CCDC88B: variants seen among roughly 807,000 people sequenced by gnomAD.
CCDC88B encodes coiled-coil and HOOK domain protein 88B.
Under a neutral mutation model 183.7 loss-of-function variants are expected in CCDC88B, and 138 were observed. The observed-to-expected ratio is 0.75, with a 90% CI of 0.65 to 0.87. CCDC88B has a LOEUF of 0.87. Among genes scored for constraint, CCDC88B ranks in the 40% least tolerant of loss-of-function variants. The pLI is 0.00. For synonymous variants in CCDC88B, 835 were observed against 867.5 expected, an observed-to-expected ratio of 0.96 and a Z score of 0.66; for missense variants, 1,822 against 1,965.6, an observed-to-expected ratio of 0.93 and a Z score of 1.38.
chr11:64,350,779 AG>A (rs1040090547), intron 16 of CCDC88B: 1 of 162,972 alleles, frequency 6.1e-6, no homozygotes, highest in African/African-American at 2.4e-5. Flanking sequence ...CTAAGGCAGG[AG>A]AATTGCTTGA....
In CCDC88B at chr11:64,342,694, G is replaced by C; in HGVS notation, c.1062+14G>C. 6.8e-7 allele frequency: 1 copy of C among 1,463,666 alleles called. No individual in the cohort carries two copies. The highest frequency in any genetic ancestry group is 9.0e-7 in the Non-Finnish European group (1 of 1,114,714). 90.7% of individuals were successfully genotyped at this position (1,463,666 alleles called of 1,614,324 possible). On this transcript the variant is annotated intron_variant, in intron 10 of 26. Coordinates refer to ENST00000356786, the MANE Select transcript of CCDC88B (RefSeq NM_032251.6). ...AGTCAGCTGGAGGTGAGGCGGAGAC[G>C]GAGCCGCGGGGCGGGGCGTGCGCGA...
In CCDC88B at chr11:64,349,325, C is replaced by G; in HGVS notation, c.2617-6C>G. 6.3e-7 allele frequency: 1 copy of G among 1,599,126 alleles called. No homozygotes were observed. On this transcript the variant is annotated splice_region_variant and splice_polypyrimidine_tract_variant and intron_variant, in intron 14 of 26. Coordinates refer to ENST00000356786, the MANE Select transcript of CCDC88B (RefSeq NM_032251.6). ...CTTGCCCTGAGCCTGCTCTGCTTGC[C>G]CTCAGGAGCTGGAGAAAGCTGTGGT... is the stretch of plus-strand genomic sequence containing the variant.
At position 64,342,274 on chromosome 11, in the gene CCDC88B, T is replaced by C; in HGVS notation, c.822-20T>C. The C allele has an allele frequency of 6.3e-7, 1 of 1,576,206 alleles. No homozygotes were observed. Among genetic ancestry groups the C allele is most frequent in the African/African-American group, 1.3e-5 (1 of 74,454 alleles). ...GGGTTGTGGGCCCCCAGACCCTCCC[T>C]AGACTCCCCTTCCCTCCAGGGAGGA... On this transcript the variant is annotated intron_variant, in intron 8 of 26. Transcript: ENST00000356786.
intron 16 of CCDC88B, chr11:64,350,196 GTCTA>G (rs1241981970): frequency 6.1e-6 from 1 of 163,528 alleles, no homozygotes; most frequent in Non-Finnish European, 1.4e-5. Context: ...GTGCATGCGA[GTCTA>G]TCAGGGAAGG....
chr11:64,355,384 C>A lies in CCDC88B; in HGVS notation c.4290C>A (p.Pro1430=). The stretch of plus-strand genomic sequence containing the variant: ...GCCATCCAGGCCCCCTGGGGGCGCC[C>A]GTCTCCCACAGCAAAGGTGAGGGAC... ...RQRHPGPLGA[P]VSHSKGPGVG... Residue 1430 remains proline (P), a synonymous_variant, in exon 25 of 27, where the codon CCC becomes CCA. Transcript: ENST00000356786. The A allele has an allele frequency of 1.3e-6, 2 of 1,590,096 alleles. No homozygotes were observed. Among genetic ancestry groups the A allele is most frequent in the South Asian group, 1.1e-5 (1 of 87,930 alleles).
At position 64,341,996 on chromosome 11, in the gene CCDC88B, G is replaced by T. The variant is rs2035882702; in HGVS notation, c.678G>T (p.Arg226=). The stretch of plus-strand genomic sequence containing the variant: ...GACCCTTGACCCCTGACCTACAGCG[G>T]CTGGCTGAACTGCTGCTGGAGCGAG... ...LARERDLGAQ[R]LAELLLEREP... The change falls in exon 8 of 27, where the codon CGG becomes CGT. Residue 226 remains arginine (R), a splice_region_variant and synonymous_variant. Transcript: ENST00000356786. 6.2e-7 allele frequency: 1 copy of T among 1,612,822 alleles called. No homozygotes were observed. Among genetic ancestry groups the T allele is most frequent in the Non-Finnish European group, 8.5e-7 (1 of 1,179,728 alleles).
Position 64,344,874 on chromosome 11 carries a change from A to G in CCDC88B, c.2333A>G (p.Glu778Gly), listed in dbSNP as rs1372547753. Reference sequence around the variant, plus strand: ...GCCCAAGCGCGAAGGGCAGAGGCCGAGGCCCACCGGGAGGCAGAGGCCCAG... The same window carrying G: ...GCCCAAGCGCGAAGGGCAGAGGCCGGGGCCCACCGGGAGGCAGAGGCCCAG... Reference protein sequence around the residue: ...ELAQARRAEAEAHREAEAQAW... With the variant: ...ELAQARRAEAGAHREAEAQAW... Residue 778 changes from glutamate to glycine, a missense_variant, in exon 14 of 27, where the codon GAG (glutamate) becomes GGG (glycine). Coordinates refer to ENST00000356786, the MANE Select transcript of CCDC88B (RefSeq NM_032251.6). The surrounding 1 kb of genome is among the most constrained non-coding windows in gnomAD (Gnocchi z 4.5). 4 of 1,603,520 alleles carry G rather than the reference A, an allele frequency of 2.5e-6. No individual in the cohort carries two copies. Among genetic ancestry groups the G allele is most frequent in the Non-Finnish European group, 3.4e-6 (4 of 1,175,250 alleles).
At position 64,354,084 on chromosome 11, in the gene CCDC88B, TG is replaced by T; in HGVS notation, c.4018del (p.Ala1340ProfsTer269). 7.0e-7 allele frequency: 1 copy of T among 1,419,726 alleles called. No individual in the cohort carries two copies. Among genetic ancestry groups the T allele is most frequent in the Non-Finnish European group, 9.3e-7 (1 of 1,081,058 alleles). 87.9% of individuals were successfully genotyped at this position (1,419,726 alleles called of 1,614,324 possible). A position where few individuals can be genotyped will look rare whatever the true frequency, so the allele number is the denominator to read the frequency against. On this transcript the variant is annotated frameshift_variant, in exon 24 of 27. Coordinates refer to ENST00000356786, the MANE Select transcript of CCDC88B (RefSeq NM_032251.6). LOFTEE classifies it high-confidence loss of function. The part of the protein sequence containing the change: ...REGGPPGGLR[L>X]GADGAGSTES... ...GGGGGCCCCCCTGGGGGGCTGCGCC[TG>T]GGGGCCGATGGGGCTGGCAGCACCG...
Position 64,344,817 on chromosome 11 carries a change from A to T in CCDC88B, c.2276A>T (p.Asn759Ile), listed in dbSNP as rs1453048641. 1 of 1,609,546 alleles carries T rather than the reference A, an allele frequency of 6.2e-7. No individual in the cohort carries two copies. Among genetic ancestry groups the T allele is most frequent in the South Asian group, 1.1e-5 (1 of 90,858 alleles). ...CAGGCCCGCAAGCTGGAGGCCCAAA[A>T]CACGGAGGCTGCCCGCCTCTCCAAG... ...EAQARKLEAQNTEAARLSKEL... is the reference protein window; with the variant it reads ...EAQARKLEAQITEAARLSKEL... Residue 759 changes from asparagine to isoleucine, a missense_variant, in exon 14 of 27, where the codon AAC (asparagine) becomes ATC (isoleucine). Asn to Ile is a moderately radical substitution (Grantham distance 149). Coordinates refer to ENST00000356786, the MANE Select transcript of CCDC88B (RefSeq NM_032251.6). The surrounding 1 kb of genome is among the most constrained non-coding windows in gnomAD (Gnocchi z 4.5).
At position 64,352,826 on chromosome 11, in the gene CCDC88B, G is replaced by A. The variant is rs139023113; in HGVS notation, c.3439G>A (p.Asp1147Asn). The change falls in exon 20 of 27, where the codon GAT (aspartate) becomes AAT (asparagine). Residue 1147 changes from aspartate to asparagine, a missense_variant. Coordinates refer to ENST00000356786, the MANE Select transcript of CCDC88B (RefSeq NM_032251.6). ...GGCAGAGCGTGAACGCCTGATGCAA[G>A]ATGGGCATCGGCAGCGGGGCCTGGA... ...LLAERERLMQ[D>N]GHRQRGLEEE... 1 of 1,612,818 alleles carries A rather than the reference G, an allele frequency of 6.2e-7. No homozygotes were observed. The highest frequency in any genetic ancestry group is 8.5e-7 in the Non-Finnish European group (1 of 1,179,796).
rs1437457439 is a variant in CCDC88B, at chr11:64,354,028, G to A, written c.3957G>A (p.Lys1319=). The change falls in exon 24 of 27, where the codon AAG becomes AAA. Residue 1319 remains lysine (K), a synonymous_variant. Coordinates refer to ENST00000356786, the MANE Select transcript of CCDC88B (RefSeq NM_032251.6). ...GGAAGGGCAGCTGGCTGGCAGACAA[G>A]GTGAAGAGGCTGATGCGGCCCCGGC... ...RTKKGSWLAD[K]VKRLMRPRRE... is the part of the protein sequence containing the mutation. 6.7e-7 allele frequency: 1 copy of A among 1,485,090 alleles called. No homozygotes were observed. The highest frequency in any genetic ancestry group is 2.3e-5 in the East Asian group (1 of 43,360). The allele number at this position is 1,485,090 out of a possible 1,614,324, so 92.0% of individuals were successfully genotyped here.
At chr11:64,340,559 C>T (rs2035791537) in intron 1 of CCDC88B, 48 bp from the exon 2 acceptor site, 1 of 1,581,114 alleles carries the variant, frequency 6.3e-7, no homozygotes, top group Admixed American at 1.7e-5. Context: ...GTCGGAGGGG[C>T]TCAGGGTTCA....
rs1342413644 is a variant in CCDC88B at position 64,353,338 on chromosome 11, G to C, written c.3688-13G>C. 6.2e-7 allele frequency: 1 copy of C among 1,612,132 alleles called. No homozygotes were observed. The highest frequency in any genetic ancestry group is 1.3e-5 in the African/African-American group (1 of 74,916). On this transcript the variant is annotated splice_polypyrimidine_tract_variant and intron_variant, in intron 21 of 26. Coordinates refer to ENST00000356786, the MANE Select transcript of CCDC88B (RefSeq NM_032251.6). ...TGGGTCCCACCCTCCGAGCCATGGT[G>C]CCCCCCTGCCAGCTATTGACACAGC...
intron 9 of CCDC88B, 55 bp from the exon 10 acceptor site, chr11:64,342,467 C>G: frequency 6.5e-7 from 1 of 1,537,536 alleles, no homozygotes; most frequent in Non-Finnish European, 8.7e-7. Context: ...CCTTCCCGTC[C>G]CTAATCCCTC....
rs566603246 is a variant in CCDC88B at position 64,344,662 on chromosome 11, G to A, written c.2121G>A (p.Glu707=). The A allele has an allele frequency of 6.2e-7, 1 of 1,614,078 alleles. No homozygotes were observed. Among genetic ancestry groups the A allele is most frequent in the East Asian group, 2.2e-5 (1 of 44,866 alleles). Residue 707 remains glutamate, a synonymous_variant, in exon 14 of 27, where the codon GAG becomes GAA. Coordinates refer to ENST00000356786, the MANE Select transcript of CCDC88B (RefSeq NM_032251.6). This position sits in a 1 kb window ranked among gnomAD's most constrained non-coding sequence, Gnocchi z 4.5. ...AGCAGAAGTCAGAAGGGGCTCTTGA[G>A]GTCCAGGTCTGGGAAGGCCCAATCC... The part of the protein sequence containing the change: ...KPQQKSEGAL[E]VQVWEGPIPG...
At chr11:64,342,236 T>G (rs980369696) in intron 8 of CCDC88B, 58 bp from the exon 9 acceptor site, 1 of 1,574,860 alleles carries the variant, frequency 6.3e-7, no homozygotes, top group South Asian at 1.2e-5. Flanking sequence ...GGGTCAGGCC[T>G]GGGAAGGGCT....
chr11:64,349,308 G>A, intron 14 of CCDC88B, 23 bp from the exon 15 acceptor site: 1 of 1,575,296 alleles, frequency 6.3e-7, no homozygotes, highest in Non-Finnish European at 8.6e-7. Context: ...CCCTTGCCCT[G>A]AGCCTGCTCT....
chr11:64,343,613 A>T lies in CCDC88B; in HGVS notation c.1316A>T (p.Glu439Val). 6.4e-7 allele frequency: 1 copy of T among 1,551,048 alleles called. No individual in the cohort carries two copies. The highest frequency in any genetic ancestry group is 8.7e-7 in the Non-Finnish European group (1 of 1,146,732). Residue 439 changes from glutamate to valine, a missense_variant and splice_region_variant, in exon 12 of 27, where the codon GAG becomes GTG. Coordinates refer to ENST00000356786, the MANE Select transcript of CCDC88B (RefSeq NM_032251.6). ...SLEPPPGSPG[E>V]APLAGAAPSL... ...GAGCCACCTCCAGGATCCCCTGGGG[A>T]GGGTGAGGGACCCCACTGGAAGGGC...
Position 64,349,560 on chromosome 11 carries a change from C to A in CCDC88B, c.2754C>A (p.Gly918=). The change falls in exon 16 of 27, where the codon GGC becomes GGA. Residue 918 remains glycine (G), a synonymous_variant. Coordinates refer to ENST00000356786, the MANE Select transcript of CCDC88B (RefSeq NM_032251.6). ...AGGATTCTCCTGGCAGGTACCAGGG[C>A]TTGGAGCAGCGGCTGGAAGCTGAGC... ...EKESQHQRYQ[G]LEQRLEAELQ... is the part of the protein sequence containing the mutation. The A allele has an allele frequency of 6.2e-7, 1 of 1,600,164 alleles. No homozygotes were observed. The highest frequency in any genetic ancestry group is 1.1e-5 in the South Asian group (1 of 88,626).
Sources: gnomAD v4.1 joint callset for allele counts on GRCh38, gnomAD v4.1.1 for gene constraint, Gnocchi (gnomAD v3.1) non-coding constraint, MANE v1.5 for transcripts, NCBI Gene and HGNC (gene_info 2026-07-23, HGNC 2026-07-21) for gene names.